The following THSD4 variants were observed in gnomAD, a reference collection of about 807,000 sequenced individuals.
THSD4 encodes the protein thrombospondin type 1 domain containing 4, also known as thrombospondin type-1 domain-containing protein 4.
A neutral mutation model predicts 119.0 loss-of-function variants in THSD4; 69 were observed. The observed-to-expected ratio is 0.58, with a 90% CI of 0.48 to 0.71. The LOEUF is 0.71. Among genes scored for constraint, THSD4 ranks in the 30% least tolerant of loss-of-function variants. The pLI is 0.00. For synonymous variants in THSD4, 524 were observed against 540.4 expected (o/e 0.97, Z 0.42); for missense variants, 1,393 against 1,391.1 (o/e 1.00, Z -0.02).
rs2047968254 is a variant in THSD4 at position 71,494,002 on chromosome 15, T to G, written c.1152+82179T>G. On this transcript the variant is annotated intron_variant, in intron 7 of 17. Coordinates refer to ENST00000261862, the MANE Select transcript of THSD4 (RefSeq NM_024817.3). ...GTCCCTAGCAGCCTTGGCTCTGACC[T>G]TCCTAGTTTACAGCGTCGCTTTCAG... 2.0e-5 allele frequency among the ~76,000 whole-genome samples: 3 copies of G among 152,310 alleles called. 1 individual carries two copies. The South Asian group carries it at 6.2e-4, about 32-fold the overall frequency.
intron 3 of THSD4, chr15:71,186,527 A>G (rs1446215811): frequency 6.6e-6 from 1 of 152,250 alleles, no homozygotes; most frequent in Non-Finnish European, 1.5e-5. Context: ...TGACTCTGAG[A>G]TTAAGCTCAA....
chr15:71,375,801 T>G (rs11632680), intron 6 of THSD4, among the ~76,000 whole-genome samples: 41,080 of 152,124 alleles, frequency 0.27, 6,844 homozygotes, highest in Middle Eastern at 0.43. Flanking sequence ...CTCCCAAATT[T>G]GCTTTCACAT....
At chr15:71,265,622 G>A (rs2044456092) in intron 6 of THSD4, among the ~76,000 whole-genome samples, 1 of 152,074 alleles carries the variant, frequency 6.6e-6, no homozygotes, top group South Asian at 2.1e-4. Context: ...CACTCCCCTG[G>A]AAAGGGGGCT....
intron 3 of THSD4, among the ~76,000 whole-genome samples, chr15:71,191,904 C>CTTTTTTT (rs11452105): frequency 1.4e-5 from 2 of 142,454 alleles, no homozygotes; most frequent in Non-Finnish European, 1.5e-5. Flanking sequence ...TCTTCTTCTT[C>CTTTTTTT]TTTTTTTTTT....
At chr15:71,326,618 G>A (rs2045341375) in intron 6 of THSD4, among the ~76,000 whole-genome samples, 1 of 132,568 alleles carries the variant, frequency 7.5e-6, no homozygotes, top group Non-Finnish European at 1.6e-5. Flanking sequence ...AGGTTGCAGT[G>A]AGCCGAGATC....
At chr15:71,770,899 C>A (rs1264620536) in intron 16 of THSD4, among the ~76,000 whole-genome samples, 165 bp from the exon 17 acceptor site, 2 of 152,164 alleles carry the variant, frequency 1.3e-5, no homozygotes, top group Non-Finnish European at 2.9e-5. Flanking sequence ...ACACACCTGG[C>A]ATGAGTTGCT....
chr15:71,666,504 T>C (rs2051419797), intron 8 of THSD4, among the ~76,000 whole-genome samples: 1 of 152,146 alleles, frequency 6.6e-6, no homozygotes, highest in Non-Finnish European at 1.5e-5. Context: ...ACAGTAGTCA[T>C]ACCACACATA....
chr15:71,349,715 G>T (rs12902263), intron 6 of THSD4, among the ~76,000 whole-genome samples: 21,275 of 152,164 alleles, frequency 0.14, 1,533 homozygotes, highest in South Asian at 0.2. Flanking sequence ...GTTAGTTTTT[G>T]ATTTTCTTTT....
In THSD4 at chr15:71,379,834, C is replaced by T. The variant is rs2046205160; in HGVS notation, c.1016-31853C>T. Among the ~76,000 whole-genome samples the T allele has an allele frequency of 2.6e-5, 4 of 152,098 alleles. No individual in the cohort carries two copies. In the South Asian group the frequency reaches 8.3e-4, roughly 32 times the overall value. On this transcript the variant is annotated intron_variant, in intron 6 of 17. Transcript: ENST00000261862. ...GTTGTTGTTGTTTAAAAAAAAACTTCAGACAAATTAAATTTAACAGAATTT... is the reference window on the plus strand; with the variant it reads ...GTTGTTGTTGTTTAAAAAAAAACTTTAGACAAATTAAATTTAACAGAATTT...
chr15:71,332,892 A>ATTT lies in THSD4; in HGVS notation c.1015+76191_1015+76193dup. ...TCTTAAAACATTGAGATTTTTTTAC[A>ATTT]TTTTTTTTTTTTTTTTAGTTCATCA... On this transcript the variant is annotated intron_variant, in intron 6 of 17. Transcript: ENST00000261862. Among the ~76,000 whole-genome samples the ATTT allele has an allele frequency of 4.4e-4, 34 of 77,004 alleles. 8 individuals carry two copies. Among genetic ancestry groups the ATTT allele is most frequent in the Admixed American group, 1.5e-3 (7 of 4,682 alleles). The allele number at this position is 77,004 out of a possible 152,430, so 50.5% of individuals were successfully genotyped here. A position where few individuals can be genotyped will look rare whatever the true frequency, so the allele number is the denominator to read the frequency against.
intron 7 of THSD4, among the ~76,000 whole-genome samples, chr15:71,499,004 A>T (rs113390664): frequency 8.6e-5 from 13 of 151,922 alleles, no homozygotes; most frequent in African/African-American, 2.9e-4. Context: ...CACACCCGGC[A>T]CAGGTCAATG....
At chr15:71,488,074 C>T (rs2047850500) in intron 7 of THSD4, among the ~76,000 whole-genome samples, 2 of 152,136 alleles carry the variant, frequency 1.3e-5, no homozygotes, top group Non-Finnish European at 2.9e-5. Flanking sequence ...TTGTCCTGCT[C>T]CTGAGTTTAC....
intron 7 of THSD4, among the ~76,000 whole-genome samples, chr15:71,518,136 T>C (rs1309183853): frequency 1.3e-5 from 2 of 152,172 alleles, no homozygotes; most frequent in East Asian, 1.9e-4. Context: ...TTCCATGAAA[T>C]AGACCCTTCC....
At chr15:71,577,095 A>C (rs1360130465) in intron 7 of THSD4, among the ~76,000 whole-genome samples, 1 of 150,414 alleles carries the variant, frequency 6.6e-6, no homozygotes, top group African/African-American at 2.4e-5. Context: ...TCCTAACAAA[A>C]AAAAAAAAAA....
At chr15:71,531,305 C>G (rs1208212655) in intron 7 of THSD4, among the ~76,000 whole-genome samples, 1 of 152,090 alleles carries the variant, frequency 6.6e-6, no homozygotes, top group African/African-American at 2.4e-5. Context: ...TGTTTCCGCT[C>G]TTGTTTTAAA....
intron 8 of THSD4, among the ~76,000 whole-genome samples, chr15:71,685,268 G>C (rs1013073749): frequency 6.6e-6 from 1 of 150,776 alleles, no homozygotes; most frequent in Non-Finnish European, 1.5e-5. Context: ...TGTTTTTGCT[G>C]TTTTCTCAGT....
intron 7 of THSD4, among the ~76,000 whole-genome samples, chr15:71,599,882 G>A (rs1360419759): frequency 6.6e-6 from 1 of 152,122 alleles, no homozygotes; most frequent in African/African-American, 2.4e-5. Context: ...CCCCAGTATG[G>A]GAAGCTCCTT....
At chr15:71,646,934 G>A (rs1478089369) in intron 7 of THSD4, among the ~76,000 whole-genome samples, 1 of 152,192 alleles carries the variant, frequency 6.6e-6, no homozygotes, top group Non-Finnish European at 1.5e-5. Flanking sequence ...GCTGACATCA[G>A]GAGGCCTTTT....
At chr15:71,724,140 A>G (rs1400430322) in intron 8 of THSD4, among the ~76,000 whole-genome samples, 2 of 149,504 alleles carry the variant, frequency 1.3e-5, no homozygotes, top group Non-Finnish European at 3.0e-5. Context: ...AAGGGACAGC[A>G]CCGTGGAGGG....
Sources: gnomAD v4.1 joint callset for allele counts (sites outside exome capture counted in the v4.1 genomes callset) on GRCh38, gnomAD v4.1.1 for gene constraint, MANE v1.5 for transcripts, NCBI Gene and HGNC (gene_info 2026-07-23, HGNC 2026-07-21) for gene names.